Variants in ADD1 observed in about 807,000 individuals in gnomAD.
The protein encoded by ADD1 is alpha-adducin.
ADD1 carries 24 observed loss-of-function variants against 80.5 expected under a neutral mutation model. That is an observed-to-expected ratio of 0.30 (90% CI 0.22 to 0.42). ADD1 has a LOEUF of 0.42. Among genes scored for constraint, ADD1 ranks in the 10% least tolerant of loss-of-function variants. The probability of loss-of-function intolerance (pLI) is 1.00; values close to 1 mark genes in which losing one functional copy is unlikely to be tolerated. For missense variants in ADD1, 948 were observed against 1,019.0 expected, an observed-to-expected ratio of 0.93 and a Z score of 0.95; for synonymous variants, 373 against 393.8, an observed-to-expected ratio of 0.95 and a Z score of 0.63.
intron 1 of ADD1, among the ~76,000 whole-genome samples, chr4:2,866,745 T>A (rs990955762): frequency 1.3e-5 from 2 of 152,104 alleles, no homozygotes; most frequent in African/African-American, 4.8e-5. Context: ...GTCTTGGATT[T>A]AGGTTTTGAG....
At position 2,926,949 on chromosome 4, in the gene ADD1, C is replaced by G. The variant is rs1711816160; in HGVS notation, c.2047+837C>G. On this transcript the variant is annotated intron_variant, in intron 15 of 15. Transcript: ENST00000683351. This position sits in a 1 kb window ranked among gnomAD's most constrained non-coding sequence, Gnocchi z 5.0. Reference sequence around the variant, plus strand: ...TCCTACCTCCAGCCTTTGAGGGTCTCTTTGGATTGCTTGGTGGGAGGGTTT... The same window carrying G: ...TCCTACCTCCAGCCTTTGAGGGTCTGTTTGGATTGCTTGGTGGGAGGGTTT... 6.6e-6 allele frequency among the ~76,000 whole-genome samples: 1 copy of G among 152,186 alleles called. No homozygotes were observed. The highest frequency in any genetic ancestry group is 1.5e-5 in the Non-Finnish European group (1 of 68,028).
chr4:2,857,384 G>A (rs1728239488), intron 1 of ADD1, among the ~76,000 whole-genome samples: 1 of 152,198 alleles, frequency 6.6e-6, no homozygotes, highest in Non-Finnish European at 1.5e-5. Context: ...GCTGAAGTTA[G>A]AGGATCGCTT....
rs563417710 is a variant in ADD1 at position 2,898,300 on chromosome 4, T to G, written c.858T>G (p.Ile286Met). Residue 286 changes from isoleucine (I) to methionine (M), a missense_variant, in exon 7 of 16, where the codon ATT (isoleucine) becomes ATG (methionine). Ile to Met is a conservative substitution (Grantham distance 10). Coordinates refer to ENST00000683351, the MANE Select transcript of ADD1 (RefSeq NM_001354761.2). ...ILVDEEEKVL[I>M]QKNLGPKSKV... The stretch of plus-strand genomic sequence containing the variant: ...TTGATGAAGAGGAAAAAGTTTTGAT[T>G]CAGAAAAATCTGGGGCCTAAAAGCA... 2.5e-6 allele frequency: 4 copies of G among 1,614,204 alleles called. No homozygotes were observed. The East Asian group carries it at 8.9e-5, about 36-fold the overall frequency.
At chr4:2,896,284 C>T (rs1055114109) in intron 6 of ADD1, among the ~76,000 whole-genome samples, 3 of 151,986 alleles carry the variant, frequency 2.0e-5, no homozygotes, top group African/African-American at 7.3e-5. Flanking sequence ...TCTCAACTCA[C>T]TGCAACCTCT....
At chr4:2,894,810 T>C in intron 6 of ADD1, 79 bp downstream of exon 6, 2 of 1,439,314 alleles carry the variant, frequency 1.4e-6, no homozygotes, top group East Asian at 2.7e-5. Flanking sequence ...TGAATTGCCC[T>C]TGTTGTTTAT....
At chr4:2,884,421 C>A in intron 3 of ADD1, 94 bp from the exon 4 acceptor site, 1 of 1,029,082 alleles carries the variant, frequency 9.7e-7, no homozygotes, top group Non-Finnish European at 1.4e-6. Flanking sequence ...AAACTCATGG[C>A]TTCAAGTGAT....
At chr4:2,849,554 A>C (rs764848430) in intron 1 of ADD1, among the ~76,000 whole-genome samples, 3 of 152,236 alleles carry the variant, frequency 2.0e-5, no homozygotes, top group African/African-American at 4.8e-5. Flanking sequence ...CTGGAATGGC[A>C]GCTGTGGCTG....
intron 6 of ADD1, among the ~76,000 whole-genome samples, chr4:2,897,062 T>C (rs764161842): frequency 1.2e-4 from 19 of 152,194 alleles, no homozygotes; most frequent in Non-Finnish European, 2.4e-4. Flanking sequence ...CCCAGCCTCT[T>C]TTTAAAATTA....
At chr4:2,857,200 C>A (rs1162752001) in intron 1 of ADD1, among the ~76,000 whole-genome samples, 1 of 152,180 alleles carries the variant, frequency 6.6e-6, no homozygotes, top group Non-Finnish European at 1.5e-5. Flanking sequence ...ACGTGAGCCA[C>A]CACACCCGGC....
At chr4:2,908,481 A>ACTGT in intron 11 of ADD1, 34 bp from the exon 12 acceptor site, 4 of 1,586,502 alleles carry the variant, frequency 2.5e-6, no homozygotes. Flanking sequence ...GCTGCTCAGG[A>ACTGT]CTGTTGATGT....
intron 1 of ADD1, among the ~76,000 whole-genome samples, chr4:2,849,444 G>A (rs776284752): frequency 6.6e-6 from 1 of 152,152 alleles, no homozygotes; most frequent in Non-Finnish European, 1.5e-5. Context: ...TGGGGCTGAC[G>A]TTAGGGGACA....
In ADD1 at chr4:2,862,776, T is replaced by G. The variant is rs139442316; in HGVS notation, c.-20-13120T>G. ...TTACTTATTTATCATGTTTATTGCCTGGCTTCCCTGCAGGAATGTAAGAAA... is the reference window on the plus strand; with the variant it reads ...TTACTTATTTATCATGTTTATTGCCGGGCTTCCCTGCAGGAATGTAAGAAA... On this transcript the variant is annotated intron_variant, in intron 1 of 15. Coordinates refer to ENST00000683351, the MANE Select transcript of ADD1 (RefSeq NM_001354761.2). Among the ~76,000 whole-genome samples, 329 of 152,352 alleles carry G rather than the reference T, an allele frequency of 2.2e-3. 5 individuals carry two copies. Among genetic ancestry groups the G allele is most frequent in the Admixed American group, 5.2e-3 (79 of 15,302 alleles).
At chr4:2,890,599 AG>A (rs376208298) in intron 4 of ADD1, among the ~76,000 whole-genome samples, 2,500 of 152,078 alleles carry the variant, frequency 0.016, 55 homozygotes, top group African/African-American at 0.048. Context: ...TAGTAGAGAC[AG>A]GGTTTCACCA....
intron 1 of ADD1, among the ~76,000 whole-genome samples, chr4:2,856,245 A>G (rs1175672930): frequency 6.6e-6 from 1 of 152,028 alleles, no homozygotes; most frequent in Non-Finnish European, 1.5e-5. Context: ...CCAGATTGAC[A>G]GTTATTTCTT....
At chr4:2,852,269 CCT>C (rs1727357342) in intron 1 of ADD1, among the ~76,000 whole-genome samples, 1 of 111,840 alleles carries the variant, frequency 8.9e-6, no homozygotes, top group Non-Finnish European at 1.9e-5. Context: ...TTCCTTCCTT[CCT>C]TCCTTCCTTC....
chr4:2,894,645 G>A lies in ADD1; in HGVS notation c.655G>A (p.Ala219Thr), dbSNP rs1734880760. The part of the protein sequence containing the change: ...RGSTNLGVNQ[A>T]GFTLHSAIYA... The stretch of plus-strand genomic sequence containing the variant: ...AAGCACTAATCTGGGAGTGAATCAG[G>A]CCGGCTTCACCTTACACTCTGCAAT... The change falls in exon 6 of 16, where the codon GCC becomes ACC. Residue 219 changes from alanine (A) to threonine (T), a missense_variant. By Grantham distance (58) the Ala-to-Thr change is moderately conservative. Coordinates refer to ENST00000683351, the MANE Select transcript of ADD1 (RefSeq NM_001354761.2). 1.9e-6 allele frequency: 3 copies of A among 1,610,936 alleles called. No individual in the cohort carries two copies. In the African/African-American group the frequency reaches 4.0e-5, roughly 22 times the overall value.
chr4:2,883,555 A>T (rs894672429), intron 3 of ADD1, among the ~76,000 whole-genome samples: 5 of 151,816 alleles, frequency 3.3e-5, no homozygotes, highest in Non-Finnish European at 5.9e-5. Flanking sequence ...TTATTTAGAG[A>T]TAAGTTCTTG....
intron 4 of ADD1, among the ~76,000 whole-genome samples, chr4:2,885,683 C>G (rs1345502375): frequency 6.6e-6 from 1 of 151,748 alleles, no homozygotes; most frequent in Non-Finnish European, 1.5e-5. Flanking sequence ...AATCTCGGCT[C>G]ACTGCAAGCT....
At chr4:2,847,339 T>C (rs1171769197) in intron 1 of ADD1, among the ~76,000 whole-genome samples, 1 of 151,724 alleles carries the variant, frequency 6.6e-6, no homozygotes, top group Non-Finnish European at 1.5e-5. Flanking sequence ...GAGAATCGCT[T>C]GAACCCAGGA....
Sources: gnomAD v4.1 joint callset for allele counts (sites outside exome capture counted in the v4.1 genomes callset) on GRCh38, gnomAD v4.1.1 for gene constraint, Gnocchi (gnomAD v3.1) non-coding constraint, MANE v1.5 for transcripts, NCBI Gene and HGNC (gene_info 2026-07-23, HGNC 2026-07-21) for gene names.